The following LRP1B variants were observed in gnomAD, a reference collection of about 807,000 sequenced individuals.
LRP1B encodes LDL receptor related protein 1B, also known as low-density lipoprotein receptor-related protein 1B.
A neutral mutation model predicts 556.6 loss-of-function variants in LRP1B; 217 were observed. The ratio of observed to expected loss-of-function variants is 0.39; its 90% CI spans 0.35 to 0.44. LRP1B has a LOEUF of 0.44. Ranked by LOEUF, LRP1B falls within the 20% of genes least tolerant of loss-of-function variation. The pLI is 1.00. For missense variants in LRP1B, 5,053 were observed against 5,620.8 expected, an observed-to-expected ratio of 0.90 and a Z score of 3.23; for synonymous variants, 2,047 against 1,865.8, an observed-to-expected ratio of 1.10 and a Z score of -2.50.
chr2:140,328,226 A>G (rs1680598787), intron 79 of LRP1B, among the ~76,000 whole-genome samples: 1 of 152,022 alleles, frequency 6.6e-6, no homozygotes, highest in Non-Finnish European at 1.5e-5. Context: ...TTGAAATAAA[A>G]TGTCATACTT....
At chr2:142,008,599 C>G (rs1254414871) in intron 1 of LRP1B, among the ~76,000 whole-genome samples, 1 of 151,516 alleles carries the variant, frequency 6.6e-6, no homozygotes. Context: ...TAACCACAAA[C>G]TCCAATTATG....
chr2:141,279,273 T>C (rs549288251), intron 3 of LRP1B, among the ~76,000 whole-genome samples: 2 of 149,384 alleles, frequency 1.3e-5, no homozygotes, highest in South Asian at 4.2e-4. Context: ...ATTGAGTATT[T>C]TGGGGAAGGA....
intron 3 of LRP1B, among the ~76,000 whole-genome samples, chr2:141,408,178 T>C (rs1195081106): frequency 1.4e-5 from 2 of 138,794 alleles, no homozygotes; most frequent in Middle Eastern, 4.2e-3. Flanking sequence ...AGTCTCATAC[T>C]ATCACCCAGG....
intron 83 of LRP1B, among the ~76,000 whole-genome samples, chr2:140,306,376 T>A (rs1376571951): frequency 6.6e-6 from 1 of 151,952 alleles, no homozygotes; most frequent in East Asian, 1.9e-4. Context: ...CCTGGTTTAG[T>A]CTTGGGAGGG....
At chr2:141,617,569 T>G (rs1688353700) in intron 2 of LRP1B, among the ~76,000 whole-genome samples, 1 of 152,208 alleles carries the variant, frequency 6.6e-6, no homozygotes, top group Admixed American at 6.5e-5. Flanking sequence ...AGCCAATATT[T>G]TCTTAGTCTT....
At chr2:141,720,796 T>C (rs773249822) in intron 2 of LRP1B, among the ~76,000 whole-genome samples, 2 of 151,708 alleles carry the variant, frequency 1.3e-5, no homozygotes, top group Non-Finnish European at 2.9e-5. Flanking sequence ...ATAAATGTAT[T>C]TATTTATCCA....
chr2:140,986,672 A>G (rs1412861933), intron 17 of LRP1B, among the ~76,000 whole-genome samples: 1 of 152,134 alleles, frequency 6.6e-6, no homozygotes, highest in Non-Finnish European at 1.5e-5. Flanking sequence ...ATGTGCTTCC[A>G]TGTGGATCAA....
chr2:140,831,469 T>C (rs1691714389), intron 31 of LRP1B, among the ~76,000 whole-genome samples: 1 of 152,172 alleles, frequency 6.6e-6, no homozygotes, highest in Non-Finnish European at 1.5e-5. Context: ...TAGATATCCC[T>C]ATGCAGAAGA....
chr2:140,687,458 A>G (rs1686088588), intron 41 of LRP1B, among the ~76,000 whole-genome samples: 1 of 152,192 alleles, frequency 6.6e-6, no homozygotes, highest in Non-Finnish European at 1.5e-5. Context: ...AACTGGGAAA[A>G]GATTTGGCAT....
intron 47 of LRP1B, among the ~76,000 whole-genome samples, chr2:140,532,947 T>TATATACACAC: frequency 8.0e-6 from 1 of 124,274 alleles, no homozygotes; most frequent in African/African-American, 3.2e-5. Context: ...TATATATATA[T>TATATACACAC]ACACATATAT....
chr2:141,968,456 G>A (rs1414286174), intron 1 of LRP1B, among the ~76,000 whole-genome samples: 2 of 151,104 alleles, frequency 1.3e-5, no homozygotes, highest in African/African-American at 2.4e-5. Context: ...CCCCAACCCT[G>A]GCTAACTTGG....
chr2:140,594,206 G>C (rs2105175456), intron 43 of LRP1B, among the ~76,000 whole-genome samples: 1 of 152,196 alleles, frequency 6.6e-6, no homozygotes, highest in Admixed American at 6.5e-5. Flanking sequence ...CCGACCTCGG[G>C]TGATCCACTT....
At chr2:141,712,836 ATTTTT>A (rs1192189235) in intron 2 of LRP1B, among the ~76,000 whole-genome samples, 2 of 103,366 alleles carry the variant, frequency 1.9e-5, no homozygotes, top group Non-Finnish European at 3.8e-5. Flanking sequence ...TGCCCAGCTA[ATTTTT>A]TTTTTTTTTT....
intron 1 of LRP1B, among the ~76,000 whole-genome samples, chr2:141,961,828 A>G (rs1701411846): frequency 1.3e-5 from 2 of 151,726 alleles, no homozygotes; most frequent in Non-Finnish European, 1.5e-5. Flanking sequence ...TGCCCATTGA[A>G]GGTAAGTTAA....
At chr2:140,844,087 G>A (rs1291228805) in intron 29 of LRP1B, among the ~76,000 whole-genome samples, 3 of 150,944 alleles carry the variant, frequency 2.0e-5, no homozygotes, top group Non-Finnish European at 4.4e-5. Flanking sequence ...TTGAGATGAA[G>A]TTTCACTCTT....
chr2:140,978,604 C>G (rs145086805), intron 18 of LRP1B, among the ~76,000 whole-genome samples: 1 of 152,160 alleles, frequency 6.6e-6, no homozygotes, highest in East Asian at 1.9e-4. Context: ...AAATTGCACT[C>G]CTTGTCGTTT....
intron 14 of LRP1B, among the ~76,000 whole-genome samples, chr2:141,006,289 A>G (rs776481898): frequency 5.9e-5 from 9 of 152,000 alleles, no homozygotes; most frequent in Non-Finnish European, 1.3e-4. Context: ...TTATGTTGGG[A>G]ACATTCAATA....
intron 7 of LRP1B, among the ~76,000 whole-genome samples, chr2:141,137,432 G>C (rs149416275): frequency 1.3e-5 from 2 of 151,952 alleles, no homozygotes; most frequent in South Asian, 2.1e-4. Flanking sequence ...GCTTCTTGCA[G>C]GCGAGATGTA....
chr2:140,614,487 AAG>A, intron 41 of LRP1B, among the ~76,000 whole-genome samples: 1 of 152,280 alleles, frequency 6.6e-6, no homozygotes, highest in Admixed American at 6.5e-5. Context: ...ATTTCCTAAA[AAG>A]AATATTCAGG....
Sources: gnomAD v4.1 joint callset for allele counts (sites outside exome capture counted in the v4.1 genomes callset) on GRCh38, gnomAD v4.1.1 for gene constraint, MANE v1.5 for transcripts, NCBI Gene and HGNC (gene_info 2026-07-23, HGNC 2026-07-21) for gene names.